Variants in SOX5 observed in about 807,000 individuals in gnomAD.
SOX5 encodes SRY-box transcription factor 5.
Under a neutral mutation model 92.0 loss-of-function variants are expected in SOX5, and 9 were observed. The ratio of observed to expected loss-of-function variants is 0.10; its 90% CI spans 0.06 to 0.17. The LOEUF is 0.17. SOX5 is among the 10% of genes least tolerant of loss of function. SOX5 has a pLI of 1.00. For synonymous variants in SOX5, 344 were observed against 336.3 expected, an observed-to-expected ratio of 1.02 and a Z score of -0.25; for missense variants, 642 against 944.5, an observed-to-expected ratio of 0.68 and a Z score of 4.20.
At chr12:24,380,594 A>C (rs1957726654) in intron 1 of SOX5, among the ~76,000 whole-genome samples, 3 of 152,344 alleles carry the variant, frequency 2.0e-5, no homozygotes, top group African/African-American at 7.2e-5. Flanking sequence ...AGGATTTTCA[A>C]CCCATTTGGT....
chr12:23,804,824 C>T (rs2095730167), intron 3 of SOX5, among the ~76,000 whole-genome samples: 2 of 149,790 alleles, frequency 1.3e-5, no homozygotes, highest in South Asian at 4.2e-4. Flanking sequence ...TGAAATAATC[C>T]ACTTTGTTTC....
chr12:24,507,453 C>G (rs942843136), intron 1 of SOX5, among the ~76,000 whole-genome samples: 3 of 151,406 alleles, frequency 2.0e-5, no homozygotes, highest in Non-Finnish European at 4.4e-5. Flanking sequence ...CTCTATATGA[C>G]AACTGACCTA....
chr12:23,640,688 T>C (rs1347717560), intron 8 of SOX5, 124 bp downstream of exon 8: 15 of 714,384 alleles, frequency 2.1e-5, no homozygotes, highest in Non-Finnish European at 4.9e-6. Flanking sequence ...TCATTACAAA[T>C]AAATTTAAAA....
intron 3 of SOX5, among the ~76,000 whole-genome samples, chr12:24,255,542 C>G (rs1389010364): frequency 6.6e-6 from 1 of 152,020 alleles, no homozygotes; most frequent in Non-Finnish European, 1.5e-5. Context: ...AACTAGAAAG[C>G]AGTTTAAGGA....
At chr12:23,793,444 C>T (rs112176061) in intron 3 of SOX5, among the ~76,000 whole-genome samples, 1,608 of 152,136 alleles carry the variant, frequency 0.011, 40 homozygotes, top group African/African-American at 0.037. Flanking sequence ...TTTGTAGTAC[C>T]CAACCCTAAA....
In SOX5 at chr12:24,003,423, C is replaced by T. The variant is rs115441616; in HGVS notation, c.-1-107399G>A. Among the ~76,000 whole-genome samples, 901 of 151,932 alleles carry T rather than the reference C, an allele frequency of 5.9e-3. 14 individuals are homozygous for T. The highest frequency in any genetic ancestry group is 0.02 in the African/African-American group (815 of 41,474). On this transcript the variant is annotated intron_variant, in intron 4 of 4. Transcript: ENST00000446891. ...TATGAAGAAAATCTGCAGAAACCCA[C>T]AAAAACTGCAAAGCTGATGAATGAG...
chr12:24,060,522 C>A (rs918387843), intron 4 of SOX5, among the ~76,000 whole-genome samples: 2 of 152,178 alleles, frequency 1.3e-5, no homozygotes, highest in Non-Finnish European at 2.9e-5. Flanking sequence ...TAATACTATT[C>A]TGTTATCAGG....
At chr12:24,007,793 GCACACA>G (rs66700500) in intron 4 of SOX5, among the ~76,000 whole-genome samples, 9,466 of 34,676 alleles carry the variant, frequency 0.27, 1,082 homozygotes, top group East Asian at 0.54. Context: ...ACATACGCAC[GCACACA>G]CACACACACA....
intron 6 of SOX5, among the ~76,000 whole-genome samples, chr12:23,694,324 A>G (rs1364253338): frequency 6.6e-6 from 1 of 152,144 alleles, no homozygotes; most frequent in Non-Finnish European, 1.5e-5. Context: ...TTCCCTTTAA[A>G]TATTAACTCA....
At chr12:24,347,757 A>AT (rs890455099) in intron 2 of SOX5, among the ~76,000 whole-genome samples, 2 of 152,228 alleles carry the variant, frequency 1.3e-5, no homozygotes, top group African/African-American at 2.4e-5. Flanking sequence ...TGACTACAGT[A>AT]TTAAACTATC....
At chr12:23,672,486 T>C (rs1037321695) in intron 6 of SOX5, among the ~76,000 whole-genome samples, 13 of 152,082 alleles carry the variant, frequency 8.5e-5, no homozygotes, top group African/African-American at 2.7e-4. Context: ...TGATACAAAC[T>C]CAATTTGTAT....
chr12:23,669,699 G>GA (rs1194656946), intron 6 of SOX5, among the ~76,000 whole-genome samples: 3 of 151,722 alleles, frequency 2.0e-5, no homozygotes, highest in Non-Finnish European at 1.5e-5. Context: ...ACTCATAGAT[G>GA]AAAAAATGAT....
At chr12:24,311,299 AT>A (rs1425004789) in intron 2 of SOX5, among the ~76,000 whole-genome samples, 1 of 152,230 alleles carries the variant, frequency 6.6e-6, no homozygotes, top group Non-Finnish European at 1.5e-5. Flanking sequence ...TAGCATAAAA[AT>A]ATAGTTTTTC....
chr12:24,524,498 C>T (rs932234380), intron 1 of SOX5, among the ~76,000 whole-genome samples: 5 of 150,464 alleles, frequency 3.3e-5, no homozygotes, highest in South Asian at 2.1e-4. Context: ...ATAGAAGAAA[C>T]GTTTTCAATT....
intron 4 of SOX5, among the ~76,000 whole-genome samples, chr12:24,119,967 T>A (rs1434566707): frequency 2.6e-5 from 4 of 152,196 alleles, no homozygotes; most frequent in Non-Finnish European, 5.9e-5. Context: ...TTGCGATGGT[T>A]GTTAAATTCA....
intron 6 of SOX5, among the ~76,000 whole-genome samples, chr12:23,691,825 A>T (rs2088875388): frequency 6.6e-6 from 1 of 152,122 alleles, no homozygotes; most frequent in African/African-American, 2.4e-5. Flanking sequence ...TGGCTCCAAT[A>T]AGCTTGTGTA....
At chr12:24,241,168 T>G (rs945030064) in intron 3 of SOX5, among the ~76,000 whole-genome samples, 1 of 152,174 alleles carries the variant, frequency 6.6e-6, no homozygotes, top group Non-Finnish European at 1.5e-5. Context: ...TCAGTCATAT[T>G]GTCTTGCAAT....
intron 1 of SOX5, among the ~76,000 whole-genome samples, chr12:24,370,659 G>C (rs868643285): frequency 6.6e-6 from 1 of 151,996 alleles, no homozygotes; most frequent in Non-Finnish European, 1.5e-5. Context: ...AGGCGTGGGG[G>C]CACGCGCGTG....
intron 4 of SOX5, among the ~76,000 whole-genome samples, chr12:24,210,052 A>C: frequency 6.7e-6 from 1 of 149,270 alleles, no homozygotes. Flanking sequence ...AAAAAGAAAT[A>C]ATCCTTCCTT....
Sources: allele counts gnomAD v4.1 joint callset (sites outside exome capture counted in the v4.1 genomes callset), GRCh38; gene constraint gnomAD v4.1.1; transcripts MANE v1.5; gene names NCBI Gene and HGNC (gene_info 2026-07-23, HGNC 2026-07-21).